MYO9B: variants seen among roughly 807,000 people sequenced by gnomAD.
MYO9B encodes the protein unconventional myosin-IXb.
Under a neutral mutation model 229.5 loss-of-function variants are expected in MYO9B, and 71 were observed. The ratio of observed to expected loss-of-function variants is 0.31; its 90% confidence interval spans 0.26 to 0.38. The LOEUF (loss-of-function observed/expected upper bound fraction) is 0.38. Ranked by LOEUF, MYO9B falls within the 10% of genes least tolerant of loss-of-function variation. The pLI is 1.00. For missense variants in MYO9B, 2,255 were observed against 2,920.5 expected (o/e 0.77, Z 5.25); for synonymous variants, 1,185 against 1,235.8 (o/e 0.96, Z 0.86).
intron 2 of MYO9B, among the ~76,000 whole-genome samples, chr19:17,139,452 A>G (rs142711456): frequency 6.6e-6 from 1 of 152,092 alleles, no homozygotes; most frequent in Non-Finnish European, 1.5e-5. Flanking sequence ...CTGTCTCTAA[A>G]TAGATAGATA....
At chr19:17,129,601 G>A (rs994866940) in intron 2 of MYO9B, among the ~76,000 whole-genome samples, 6 of 152,164 alleles carry the variant, frequency 3.9e-5, no homozygotes, top group African/African-American at 1.4e-4. Context: ...CCTGCTCTTG[G>A]ACTTGAGGGA....
At chr19:17,176,530 G>C (rs1361737652) in intron 14 of MYO9B, among the ~76,000 whole-genome samples, 1 of 152,202 alleles carries the variant, frequency 6.6e-6, no homozygotes, top group East Asian at 1.9e-4. Flanking sequence ...ATTTGAAACA[G>C]AAAGACCCAG....
chr19:17,130,765 T>C (rs1458773146), intron 2 of MYO9B, among the ~76,000 whole-genome samples: 1 of 146,500 alleles, frequency 6.8e-6, no homozygotes, highest in Non-Finnish European at 1.5e-5. Flanking sequence ...AGAGCAAGAC[T>C]TGGTCTCAAA....
chr19:17,199,700 CTTT>C (rs59510773), intron 24 of MYO9B, among the ~76,000 whole-genome samples: 26,328 of 68,412 alleles, frequency 0.38, 2,555 homozygotes, highest in African/African-American at 0.45. Context: ...CTTTTTTTTT[CTTT>C]TTTTTTTTTT....
chr19:17,201,104 T>G (rs2073102193), intron 26 of MYO9B, among the ~76,000 whole-genome samples: 1 of 152,088 alleles, frequency 6.6e-6, no homozygotes, highest in Non-Finnish European at 1.5e-5. Flanking sequence ...GGAGTGGTGG[T>G]GCACACCTGT....
At chr19:17,083,250 T>G (rs2057551286) in intron 1 of MYO9B, among the ~76,000 whole-genome samples, 1 of 152,046 alleles carries the variant, frequency 6.6e-6, no homozygotes, top group Admixed American at 6.6e-5. Flanking sequence ...TGCCTGGTCT[T>G]GAACTCCTGG....
At chr19:17,210,442 C>G in intron 37 of MYO9B, 62 bp downstream of exon 37, 1 of 1,489,524 alleles carries the variant, frequency 6.7e-7, no homozygotes, top group South Asian at 1.3e-5. Flanking sequence ...GCTGGGGTTC[C>G]CTGGGGCCCT....
chr19:17,100,438 ACTCT>A (rs1175256315), intron 1 of MYO9B, among the ~76,000 whole-genome samples: 8 of 152,330 alleles, frequency 5.3e-5, no homozygotes, highest in Admixed American at 2.0e-4. Flanking sequence ...ACACCACTGC[ACTCT>A]AGCCTGGGCG....
chr19:17,141,214 T>C (rs2072334908), intron 2 of MYO9B, among the ~76,000 whole-genome samples: 1 of 152,084 alleles, frequency 6.6e-6, no homozygotes, highest in African/African-American at 2.4e-5. Context: ...CTCTGTGTCA[T>C]TGTGTCTCCG....
intron 2 of MYO9B, among the ~76,000 whole-genome samples, chr19:17,109,374 T>C (rs1394644461): frequency 2.0e-5 from 3 of 152,108 alleles, no homozygotes; most frequent in Non-Finnish European, 4.4e-5. Flanking sequence ...CATCATTTTC[T>C]AATAAGAGGA....
chr19:17,142,104 C>T (rs1249996801), intron 2 of MYO9B, among the ~76,000 whole-genome samples: 1 of 150,416 alleles, frequency 6.6e-6, no homozygotes, highest in Non-Finnish European at 1.5e-5. Flanking sequence ...CTTGAGGCCA[C>T]GAGGTCGAGG....
At chr19:17,192,537 G>A (rs1368395306) in intron 20 of MYO9B, among the ~76,000 whole-genome samples, 2 of 152,154 alleles carry the variant, frequency 1.3e-5, no homozygotes, top group Non-Finnish European at 2.9e-5. Flanking sequence ...GGAGGTTGCA[G>A]TGAGCCGAGA....
intron 13 of MYO9B, among the ~76,000 whole-genome samples, chr19:17,174,426 C>T (rs944218781): frequency 2.0e-5 from 3 of 151,984 alleles, no homozygotes; most frequent in African/African-American, 4.8e-5. Flanking sequence ...CGCTTGAGGT[C>T]GGGTTCAAGA....
At chr19:17,084,737 AAC>A (rs752861592) in intron 1 of MYO9B, among the ~76,000 whole-genome samples, 1 of 151,456 alleles carries the variant, frequency 6.6e-6, no homozygotes, top group African/African-American at 2.4e-5. Context: ...AAAAAAGAAA[AAC>A]ACACACACAC....
chr19:17,139,364 G>A lies in MYO9B; in HGVS notation c.841-6033G>A, dbSNP rs530193103. Among the ~76,000 whole-genome samples, 6 of 152,182 alleles carry A rather than the reference G, an allele frequency of 3.9e-5. No homozygotes were observed. The East Asian group carries it at 1.2e-3, about 29-fold the overall frequency. On this transcript the variant is annotated intron_variant, in intron 2 of 39. Coordinates refer to ENST00000682292, the MANE Select transcript of MYO9B (RefSeq NM_004145.4). ...TTTGCAAGGCCTAGGCAGGAAAATC[G>A]CTTGAACTCAGGAGGTCGAGGCCGC...
Position 17,205,257 on chromosome 19 carries a change from T to C in MYO9B, c.4991-6T>C. On this transcript the variant is annotated splice_polypyrimidine_tract_variant and splice_region_variant and intron_variant, in intron 30 of 39. Transcript: ENST00000682292. ...CTCTGTGACTCCCACCCTGTGGACC[T>C]CCTAGTGTGCAAGATGACCTGCCAC... is the stretch of plus-strand genomic sequence containing the variant. 6.2e-7 allele frequency: 1 copy of C among 1,613,080 alleles called. No individual in the cohort carries two copies. The highest frequency in any genetic ancestry group is 1.7e-4 in the Middle Eastern group (1 of 6,052).
At chr19:17,185,031 T>C (rs1472370564) in intron 17 of MYO9B, 44 bp downstream of exon 17, 1 of 1,612,614 alleles carries the variant, frequency 6.2e-7, no homozygotes, top group African/African-American at 1.3e-5. Context: ...CAGCTCAGCC[T>C]CAGGCTTGTG....
rs71338613 is a variant in MYO9B, at chr19:17,133,503, C to T, written c.841-11894C>T. On this transcript the variant is annotated intron_variant, in intron 2 of 39. Transcript: ENST00000682292. Reference sequence around the variant, plus strand: ...ACAGGGTCTCGCTCTGTCACCCAGGCTGGAGTGCAGTGGTGCAATCACAGT... The same window carrying T: ...ACAGGGTCTCGCTCTGTCACCCAGGTTGGAGTGCAGTGGTGCAATCACAGT... Among the ~76,000 whole-genome samples the T allele has an allele frequency of 5.6e-3, 857 of 152,276 alleles. 1 individual carries two copies. The highest frequency in any genetic ancestry group is 8.7e-3 in the Non-Finnish European group (589 of 68,032).
intron 15 of MYO9B, 57 bp downstream of exon 15, chr19:17,181,097 T>A (rs2072855294): frequency 7.8e-7 from 1 of 1,282,596 alleles, no homozygotes. Flanking sequence ...CCACTACTCC[T>A]GCGACCCCGG....
Sources: gnomAD v4.1 joint callset for allele counts (sites outside exome capture counted in the v4.1 genomes callset) on GRCh38, gnomAD v4.1.1 for gene constraint, MANE v1.5 for transcripts, NCBI Gene and HGNC (gene_info 2026-07-23, HGNC 2026-07-21) for gene names.